ZSWIM8: variants seen among roughly 807,000 people sequenced by gnomAD.
ZSWIM8 encodes zinc finger SWIM-type containing 8, also known as zinc finger SWIM domain-containing protein 8.
ZSWIM8 carries 27 observed loss-of-function variants against 173.7 expected under a neutral mutation model. The ratio of observed to expected loss-of-function variants is 0.16; its 90% CI spans 0.11 to 0.21. The LOEUF (loss-of-function observed/expected upper bound fraction) is 0.21, where lower values mean the gene tolerates loss of function less well. Ranked by LOEUF, ZSWIM8 falls within the 10% of genes least tolerant of loss-of-function variation. The probability of loss-of-function intolerance (pLI) is 1.00; values close to 1 mark genes in which losing one functional copy is unlikely to be tolerated. For synonymous variants in ZSWIM8, 958 were observed against 962.0 expected (o/e 1.00, Z 0.08); for missense variants, 1,627 against 2,428.8 (o/e 0.67, Z 6.94).
chr10:73,788,264 G>A (rs1475073124), intron 1 of ZSWIM8, among the ~76,000 whole-genome samples: 2 of 151,554 alleles, frequency 1.3e-5, no homozygotes, highest in African/African-American at 4.9e-5. Flanking sequence ...AAAGGCAATC[G>A]GAGACAAGAA....
chr10:73,800,918 G>A lies in ZSWIM8; in HGVS notation c.5123-99G>A. The A allele has an allele frequency of 7.5e-7, 1 of 1,324,642 alleles. No homozygotes were observed. The highest frequency in any genetic ancestry group is 1.0e-6 in the Non-Finnish European group (1 of 965,052). 82.1% of individuals were successfully genotyped at this position (1,324,642 alleles called of 1,614,324 possible). A position where few individuals can be genotyped will look rare whatever the true frequency, so the allele number is the denominator to read the frequency against. The stretch of plus-strand genomic sequence containing the variant: ...GAGGGTTACCTCAGCTCCTGGGGTG[G>A]AGGGAGGCTCTCTGCCAGGCCAGAG... On this transcript the variant is annotated intron_variant, in intron 24 of 25. Transcript: ENST00000604729. The surrounding 1 kb of genome is among the most constrained non-coding windows in gnomAD (Gnocchi z 4.1).
In ZSWIM8 at chr10:73,794,649, G is replaced by C; in HGVS notation, c.2908+10G>C. 2 of 1,549,722 alleles carry C rather than the reference G, an allele frequency of 1.3e-6. No homozygotes were observed. Among genetic ancestry groups the C allele is most frequent in the Non-Finnish European group, 8.7e-7 (1 of 1,145,994 alleles). ...GCAGTTGCTGCCTTGGGTGAGTCTT[G>C]AGCATATCAACGAGCTAAGCCTGGT... On this transcript the variant is annotated intron_variant, in intron 14 of 25. Coordinates refer to ENST00000604729, the MANE Select transcript of ZSWIM8 (RefSeq NM_001367799.1).
Position 73,793,474 on chromosome 10 carries a change from A to G in ZSWIM8, c.2314-114A>G, listed in dbSNP as rs2083495011. On this transcript the variant is annotated intron_variant, in intron 10 of 25. Coordinates refer to ENST00000604729, the MANE Select transcript of ZSWIM8 (RefSeq NM_001367799.1). ...CTAACCAGAGCTCCTATGGAGCGGC[A>G]CAGGGCCTGGCATGTAGCAAGTGTT... is the stretch of plus-strand genomic sequence containing the variant. 2.4e-6 allele frequency: 3 copies of G among 1,239,538 alleles called. No individual in the cohort carries two copies. In the East Asian group the frequency reaches 7.3e-5, roughly 30 times the overall value. 76.8% of individuals were successfully genotyped at this position (1,239,538 alleles called of 1,614,324 possible). A position where few individuals can be genotyped will look rare whatever the true frequency, so the allele number is the denominator to read the frequency against.
intron 21 of ZSWIM8, 104 bp from the exon 22 acceptor site, chr10:73,799,907 T>TATATA: frequency 1.6e-6 from 2 of 1,252,256 alleles, no homozygotes; most frequent in Non-Finnish European, 2.2e-6. Context: ...AGCGAGACTC[T>TATATA]ATCTCAAAAA....
intron 1 of ZSWIM8, among the ~76,000 whole-genome samples, chr10:73,787,445 T>C (rs1421510042): frequency 6.6e-6 from 1 of 152,222 alleles, no homozygotes; most frequent in East Asian, 1.9e-4. Flanking sequence ...GGGAAGTAAC[T>C]GAAGTCATAG....
chr10:73,789,013 G>T lies in ZSWIM8; in HGVS notation c.363-83G>T. On this transcript the variant is annotated intron_variant, in intron 2 of 25. Coordinates refer to ENST00000604729, the MANE Select transcript of ZSWIM8 (RefSeq NM_001367799.1). The surrounding 1 kb of genome is among the most constrained non-coding windows in gnomAD (Gnocchi z 6.8). ...GGGAAGGAATGAGGCTAGGGAGAGAGTGCCTAGGGCATTGTGGTCTCTGAC... is the reference window on the plus strand; with the variant it reads ...GGGAAGGAATGAGGCTAGGGAGAGATTGCCTAGGGCATTGTGGTCTCTGAC... 1 of 1,401,108 alleles carries T rather than the reference G, an allele frequency of 7.1e-7. No individual in the cohort carries two copies. The allele number at this position is 1,401,108 out of a possible 1,614,324, so 86.8% of individuals were successfully genotyped here. A position where few individuals can be genotyped will look rare whatever the true frequency, so the allele number is the denominator to read the frequency against.
intron 1 of ZSWIM8, among the ~76,000 whole-genome samples, chr10:73,788,213 A>G (rs187417257): frequency 6.6e-6 from 1 of 151,768 alleles, no homozygotes; most frequent in African/African-American, 2.4e-5. Context: ...CTGGGGGCCT[A>G]CAGTCATCTA....
chr10:73,796,229 G>GC, intron 15 of ZSWIM8: 1 of 221,202 alleles, frequency 4.5e-6, no homozygotes, highest in South Asian at 4.8e-5. Context: ...CGCGCCTGTA[G>GC]TCCCAGCTAC....
At chr10:73,790,552 T>G (rs969359914) in intron 7 of ZSWIM8, among the ~76,000 whole-genome samples, 26 of 152,154 alleles carry the variant, frequency 1.7e-4, no homozygotes, top group Admixed American at 3.3e-4. Context: ...GAAAGATTTT[T>G]TAAAGAGTTT....
chr10:73,791,590 A>C lies in ZSWIM8; in HGVS notation c.1319+91A>C. The C allele has an allele frequency of 7.2e-7, 1 of 1,383,726 alleles. No individual in the cohort carries two copies. The highest frequency in any genetic ancestry group is 9.6e-7 in the Non-Finnish European group (1 of 1,042,692). 85.7% of individuals were successfully genotyped at this position (1,383,726 alleles called of 1,614,324 possible). A position where few individuals can be genotyped will look rare whatever the true frequency, so the allele number is the denominator to read the frequency against. The stretch of plus-strand genomic sequence containing the variant: ...ATCTCCTTGTTTGCAGAGACATACC[A>C]TGATTTTAGTCCTCGGGAAACGGGA... On this transcript the variant is annotated intron_variant, in intron 9 of 25. Transcript: ENST00000604729. This position sits in a 1 kb window ranked among gnomAD's most constrained non-coding sequence, Gnocchi z 6.0.
chr10:73,795,169 C>A (rs2083579891), intron 14 of ZSWIM8, among the ~76,000 whole-genome samples: 1 of 152,046 alleles, frequency 6.6e-6, no homozygotes, highest in Middle Eastern at 3.2e-3. Flanking sequence ...AAACAAAAAT[C>A]TAGAGAAAGG....
Position 73,797,211 on chromosome 10 carries a change from C to T in ZSWIM8, c.3373C>T (p.Arg1125Cys), listed in dbSNP as rs778504107. The change falls in exon 17 of 26, where the codon CGT (arginine) becomes TGT (cysteine). Residue 1125 changes from arginine to cysteine, a missense_variant. Coordinates refer to ENST00000604729, the MANE Select transcript of ZSWIM8 (RefSeq NM_001367799.1). The surrounding 1 kb of genome is among the most constrained non-coding windows in gnomAD (Gnocchi z 5.6). ...TCCTAGCCGCTTGGCACTTGGCAGT[C>T]GTGGAGGCTATAATGGACGGGGATG... is the stretch of plus-strand genomic sequence containing the variant. ...KVPSRLALGS[R>C]GGYNGRGWGS... 6 of 1,613,946 alleles carry T rather than the reference C, an allele frequency of 3.7e-6. No homozygotes were observed. Among genetic ancestry groups the T allele is most frequent in the Admixed American group, 3.3e-5 (2 of 60,014 alleles).
Position 73,791,792 on chromosome 10 carries a change from T to C in ZSWIM8, c.1320-67T>C, listed in dbSNP as rs1205056950. On this transcript the variant is annotated intron_variant, in intron 9 of 25. Transcript: ENST00000604729. The surrounding 1 kb of genome is among the most constrained non-coding windows in gnomAD (Gnocchi z 6.0). ...TTTCCCCATGCCTCTCTTTGGGGTG[T>C]ACACCTACTCCATGCCCATCCTTTC... 2.7e-6 allele frequency: 4 copies of C among 1,454,770 alleles called. No individual in the cohort carries two copies. Among genetic ancestry groups the C allele is most frequent in the African/African-American group, 1.4e-5 (1 of 70,220 alleles). The allele number at this position is 1,454,770 out of a possible 1,614,324, so 90.1% of individuals were successfully genotyped here. A position where few individuals can be genotyped will look rare whatever the true frequency, so the allele number is the denominator to read the frequency against.
chr10:73,787,853 AAAAT>A (rs1405511035), intron 1 of ZSWIM8, among the ~76,000 whole-genome samples: 3 of 152,170 alleles, frequency 2.0e-5, no homozygotes, highest in Non-Finnish European at 4.4e-5. Flanking sequence ...ACTTCATCTC[AAAAT>A]AAATAAATAA....
Position 73,801,754 on chromosome 10 carries a change from A to T in ZSWIM8, c.*235A>T. 6.6e-7 allele frequency: 1 copy of T among 1,505,666 alleles called. No individual in the cohort carries two copies. Among genetic ancestry groups the T allele is most frequent in the Non-Finnish European group, 8.8e-7 (1 of 1,131,398 alleles). 93.3% of individuals were successfully genotyped at this position (1,505,666 alleles called of 1,614,324 possible). A position where few individuals can be genotyped will look rare whatever the true frequency, so the allele number is the denominator to read the frequency against. ...GGGCGTTGGGTGGCCTCTGGTATTT[A>T]TTTGGCATTTATAAATATATAAACT... On this transcript the variant is annotated 3_prime_UTR_variant, in exon 26 of 26. Transcript: ENST00000604729. This position sits in a 1 kb window ranked among gnomAD's most constrained non-coding sequence, Gnocchi z 4.9.
chr10:73,788,961 ACTCC>A, intron 2 of ZSWIM8, 131 bp from the exon 3 acceptor site: 1 of 1,164,854 alleles, frequency 8.6e-7, no homozygotes, highest in Non-Finnish European at 1.2e-6. Context: ...CTGGGATTCC[ACTCC>A]CTCCCCCCCA....
rs1319690334 is a variant in ZSWIM8 at position 73,795,673 on chromosome 10, T to G, written c.3033+10T>G. On this transcript the variant is annotated intron_variant, in intron 15 of 25. Transcript: ENST00000604729. ...GGCCAAGCTTAAGAAGGTAAGAGAC[T>G]GGGGCTGGGTGCGGTGGCTCATGCC... The G allele has an allele frequency of 5.6e-6, 9 of 1,609,578 alleles. No individual in the cohort carries two copies. Among genetic ancestry groups the G allele is most frequent in the Non-Finnish European group, 5.1e-6 (6 of 1,179,280 alleles).
Position 73,791,225 on chromosome 10 carries a change from C to T in ZSWIM8, c.1143+49C>T, listed in dbSNP as rs1565073085. The T allele has an allele frequency of 6.4e-7, 1 of 1,568,836 alleles. No individual in the cohort carries two copies. Among genetic ancestry groups the T allele is most frequent in the Non-Finnish European group, 8.7e-7 (1 of 1,151,354 alleles). On this transcript the variant is annotated intron_variant, in intron 8 of 25. Coordinates refer to ENST00000604729, the MANE Select transcript of ZSWIM8 (RefSeq NM_001367799.1). The surrounding 1 kb of genome is among the most constrained non-coding windows in gnomAD (Gnocchi z 6.0). ...CCCGTGGTAGCTCATTCTTTCCCTC[C>T]CCCTGCCTCATCCTCCTCTTGCTGA...
intron 7 of ZSWIM8, 88 bp downstream of exon 7, chr10:73,790,380 G>T: frequency 6.6e-7 from 1 of 1,510,552 alleles, no homozygotes; most frequent in Non-Finnish European, 8.9e-7. Context: ...ATTCATGCCT[G>T]TGACCCCTAC....
Sources: gnomAD v4.1 joint callset for allele counts (sites outside exome capture counted in the v4.1 genomes callset) on GRCh38, gnomAD v4.1.1 for gene constraint, Gnocchi (gnomAD v3.1) non-coding constraint, MANE v1.5 for transcripts, NCBI Gene and HGNC (gene_info 2026-07-23, HGNC 2026-07-21) for gene names.